Variants in GOLGA3 observed in about 807,000 individuals in gnomAD.
The protein encoded by GOLGA3 is golgin subfamily A member 3.
GOLGA3 carries 75 observed loss-of-function variants against 169.4 expected under a neutral mutation model. That is an observed-to-expected ratio of 0.44 (90% CI 0.37 to 0.54). The LOEUF (loss-of-function observed/expected upper bound fraction) is 0.54. GOLGA3 is among the 20% of genes least tolerant of loss of function. The pLI is 0.00. For missense variants in GOLGA3, 1,899 were observed against 1,930.0 expected, an observed-to-expected ratio of 0.98 and a Z score of 0.30; for synonymous variants, 824 against 822.4, an observed-to-expected ratio of 1.00 and a Z score of -0.03.
At position 132,777,719 on chromosome 12, in the gene GOLGA3, C is replaced by A; in HGVS notation, c.3669G>T (p.Leu1223=). Residue 1223 remains leucine, a synonymous_variant, in exon 19 of 24, where the codon CTG becomes CTT. Transcript: ENST00000450791. This position sits in a 1 kb window ranked among gnomAD's most constrained non-coding sequence, Gnocchi z 4.7. ...TCTGCACCAGGTGTTCCTTGGCCTGCAGCTCCTTCTTCACCTCACTCAGCT... is the reference window on the plus strand; with the variant it reads ...TCTGCACCAGGTGTTCCTTGGCCTGAAGCTCCTTCTTCACCTCACTCAGCT... ...SLELSEVKKE[L]QAKEHLVQKL... 6.2e-7 allele frequency: 1 copy of A among 1,614,140 alleles called. No homozygotes were observed. Among genetic ancestry groups the A allele is most frequent in the Non-Finnish European group, 8.5e-7 (1 of 1,180,002 alleles).
intron 1 of GOLGA3, among the ~76,000 whole-genome samples, chr12:132,822,617 A>T (rs1476547153): frequency 6.6e-6 from 1 of 152,172 alleles, no homozygotes; most frequent in Non-Finnish European, 1.5e-5. Context: ...CTGAGCTTTA[A>T]ATTTTATTTA....
intron 6 of GOLGA3, 134 bp downstream of exon 6, chr12:132,807,043 C>A: frequency 1.7e-6 from 1 of 582,422 alleles, no homozygotes; most frequent in South Asian, 2.0e-5. Flanking sequence ...CGTAAAGATG[C>A]AGAACCCTCG....
In GOLGA3 at chr12:132,809,008, G is replaced by A. The variant is rs541603476; in HGVS notation, c.520-459C>T. On this transcript the variant is annotated intron_variant, in intron 4 of 23. Coordinates refer to ENST00000450791, the MANE Select transcript of GOLGA3 (RefSeq NM_001389683.1). ...GAGACCGGTAGTGGCCCTGAATGTC[G>A]GGCTGCGCTGTTATTTATTGGATAC... Among the ~76,000 whole-genome samples, 3 of 152,264 alleles carry A rather than the reference G, an allele frequency of 2.0e-5. No homozygotes were observed. In the South Asian group the frequency reaches 6.2e-4, roughly 32 times the overall value.
intron 8 of GOLGA3, 29 bp from the exon 9 acceptor site, chr12:132,798,506 G>C (rs376643599): frequency 7.5e-5 from 118 of 1,582,560 alleles, no homozygotes; most frequent in Non-Finnish European, 9.5e-5. Flanking sequence ...AAAGTAAAAA[G>C]TTGCTCAATT....
rs1372919098 is a variant in GOLGA3 at position 132,769,157 on chromosome 12, A to G, written c.*3948T>C. On this transcript the variant is annotated 3_prime_UTR_variant, in exon 24 of 24. Transcript: ENST00000450791. Reference sequence around the variant, plus strand: ...TCCCTCCGGATCCTGTGAGAGCCTGAGATCACTTATGACGAGATTCACCTG... The same window carrying G: ...TCCCTCCGGATCCTGTGAGAGCCTGGGATCACTTATGACGAGATTCACCTG... 1 of 152,264 alleles carries G rather than the reference A, an allele frequency of 6.6e-6. No homozygotes were observed. Among genetic ancestry groups the G allele is most frequent in the Non-Finnish European group, 1.5e-5 (1 of 68,054 alleles). 9.4% of individuals were successfully genotyped at this position (152,264 alleles called of 1,614,324 possible).
chr12:132,825,819 T>C (rs562161517), intron 1 of GOLGA3: 8 of 1,121,718 alleles, frequency 7.1e-6, no homozygotes, highest in Admixed American at 5.1e-5. Context: ...TACAAGAACA[T>C]TGGTCTGGGC....
At chr12:132,788,689 G>A (rs534201118) in intron 13 of GOLGA3, among the ~76,000 whole-genome samples, 2 of 152,294 alleles carry the variant, frequency 1.3e-5, no homozygotes, top group East Asian at 3.9e-4. Context: ...CATGACAGCC[G>A]CTGTCCTCTC....
At chr12:132,822,719 A>G (rs7302260) in intron 1 of GOLGA3, among the ~76,000 whole-genome samples, 41,351 of 152,058 alleles carry the variant, frequency 0.27, 5,962 homozygotes, top group Middle Eastern at 0.44. Context: ...TCAGGAGTTC[A>G]AGACCAGCCT....
intron 4 of GOLGA3, among the ~76,000 whole-genome samples, chr12:132,810,660 T>C (rs1417737432): frequency 1.3e-5 from 2 of 152,204 alleles, no homozygotes; most frequent in African/African-American, 2.4e-5. Flanking sequence ...AGAGGGCTCC[T>C]GGGTCTAGCG....
At position 132,804,944 on chromosome 12, in the gene GOLGA3, G is replaced by A. The variant is rs781361124; in HGVS notation, c.1369C>T (p.His457Tyr). 1.2e-6 allele frequency: 2 copies of A among 1,613,478 alleles called. No individual in the cohort carries two copies. The highest frequency in any genetic ancestry group is 3.3e-5 in the Admixed American group (2 of 60,020). Residue 457 changes from histidine to tyrosine, a missense_variant, in exon 7 of 24, where the codon CAC becomes TAC. By Grantham distance (83) the His-to-Tyr change is moderately conservative. Transcript: ENST00000450791. This position sits in a 1 kb window ranked among gnomAD's most constrained non-coding sequence, Gnocchi z 4.1. ...GAATCCTGCCGCTGCTGGCTGCTGT[G>A]GCTGCACTCCACCTGCGCCTGCAGC... ...TKLQAQVECS[H>Y]SSQQRQDSLS... is the part of the protein sequence containing the mutation.
chr12:132,788,931 A>AGACACAGGCCCCGCCCCC, intron 13 of GOLGA3, 96 bp downstream of exon 13: 10 of 138,360 alleles, frequency 7.2e-5, no homozygotes, highest in South Asian at 2.4e-4. Flanking sequence ...ACCCCGCCCC[A>AGACACAGGCCCCGCCCCC]GACACAGGCC....
intron 8 of GOLGA3, among the ~76,000 whole-genome samples, chr12:132,800,006 G>A (rs535550256): frequency 6.2e-4 from 95 of 152,278 alleles, no homozygotes; most frequent in African/African-American, 2.2e-3. Context: ...CTCCCAAAGT[G>A]CTGGGATTAC....
At chr12:132,795,337 C>CA (rs1433645336) in intron 11 of GOLGA3, among the ~76,000 whole-genome samples, 23 of 152,140 alleles carry the variant, frequency 1.5e-4, no homozygotes, top group Middle Eastern at 6.8e-3. Flanking sequence ...ACTACAAATA[C>CA]AAAAGTTAGC....
At chr12:132,809,547 C>G (rs1285608527) in intron 4 of GOLGA3, among the ~76,000 whole-genome samples, 4 of 152,032 alleles carry the variant, frequency 2.6e-5, no homozygotes, top group Non-Finnish European at 5.9e-5. Context: ...CCCGTCTTCC[C>G]AGACACTGGC....
At chr12:132,792,303 T>C (rs1328926225) in intron 11 of GOLGA3, among the ~76,000 whole-genome samples, 1 of 152,172 alleles carries the variant, frequency 6.6e-6, no homozygotes, top group African/African-American at 2.4e-5. Context: ...CGGCAAGCCT[T>C]TCTTGGAGAT....
chr12:132,826,281 G>A (rs1950413887), intron 1 of GOLGA3: 4 of 1,027,366 alleles, frequency 3.9e-6, no homozygotes, highest in Non-Finnish European at 2.8e-6. Context: ...GCAGCATCAC[G>A]GCCACGGCCC....
At chr12:132,818,322 C>T (rs556309486) in intron 2 of GOLGA3, among the ~76,000 whole-genome samples, 1 of 152,246 alleles carries the variant, frequency 6.6e-6, no homozygotes, top group African/African-American at 2.4e-5. Flanking sequence ...TTCAGTCACA[C>T]AAGCTCAGCT....
chr12:132,773,186 G>C lies in GOLGA3; in HGVS notation c.4416C>G (p.Pro1472=), dbSNP rs2044994064. The part of the protein sequence containing the change: ...PLEPATASPV[P]PGGHAGPRGD... ...CGCGTGGGCCGGCGTGACCCCCCGG[G>C]GGCACAGGGCTGGCAGTGGCTGGCT... is the stretch of plus-strand genomic sequence containing the variant. Residue 1472 remains proline, a synonymous_variant, in exon 24 of 24, where the codon CCC becomes CCG. Transcript: ENST00000450791. The C allele has an allele frequency of 6.3e-7, 1 of 1,586,240 alleles. No homozygotes were observed. Among genetic ancestry groups the C allele is most frequent in the Non-Finnish European group, 8.6e-7 (1 of 1,165,468 alleles).
chr12:132,825,250 C>T (rs1376915386), intron 1 of GOLGA3, among the ~76,000 whole-genome samples: 10 of 152,132 alleles, frequency 6.6e-5, no homozygotes, highest in African/African-American at 2.2e-4. Context: ...CGGTGTGTGC[C>T]TGCGCGTGCA....
Sources: gnomAD v4.1 joint callset for allele counts (sites outside exome capture counted in the v4.1 genomes callset) on GRCh38, gnomAD v4.1.1 for gene constraint, Gnocchi (gnomAD v3.1) non-coding constraint, MANE v1.5 for transcripts, NCBI Gene and HGNC (gene_info 2026-07-23, HGNC 2026-07-21) for gene names.